Variants in TMEM108 observed in about 807,000 individuals in gnomAD.
TMEM108 encodes cancer/testis antigen 124.
TMEM108 carries 12 observed loss-of-function variants against 35.1 expected under a neutral mutation model. The observed-to-expected ratio is 0.34, with a 90% CI of 0.22 to 0.55. The LOEUF is 0.55. Among genes scored for constraint, TMEM108 ranks in the 20% least tolerant of loss-of-function variants. The pLI, the probability that TMEM108 is intolerant of heterozygous loss-of-function variation, is 0.89. For synonymous variants in TMEM108, 287 were observed against 308.6 expected (o/e 0.93, Z 0.73); for missense variants, 680 against 753.3 (o/e 0.90, Z 1.14).
At chr3:133,179,772 G>A (rs942921839) in intron 2 of TMEM108, among the ~76,000 whole-genome samples, 3 of 151,726 alleles carry the variant, frequency 2.0e-5, no homozygotes, top group Non-Finnish European at 4.4e-5. Flanking sequence ...AAACCTGCAT[G>A]TTGTGCACAT....
At chr3:133,139,385 T>A (rs965149902) in intron 2 of TMEM108, among the ~76,000 whole-genome samples, 1 of 152,214 alleles carries the variant, frequency 6.6e-6, no homozygotes, top group Non-Finnish European at 1.5e-5. Flanking sequence ...CTGTTGATTT[T>A]CTACTAACTT....
At chr3:133,292,459 A>G (rs1947084419) in intron 3 of TMEM108, among the ~76,000 whole-genome samples, 1 of 152,150 alleles carries the variant, frequency 6.6e-6, no homozygotes, top group Non-Finnish European at 1.5e-5. Flanking sequence ...TGATCCTACC[A>G]TTGTCTGCCT....
chr3:133,369,034 A>C (rs986207695), intron 3 of TMEM108, among the ~76,000 whole-genome samples: 2 of 152,166 alleles, frequency 1.3e-5, no homozygotes, highest in African/African-American at 4.8e-5. Flanking sequence ...TCCTTCTCAT[A>C]CAGCTGAGAA....
chr3:133,295,440 A>G (rs1947131230), intron 3 of TMEM108, among the ~76,000 whole-genome samples: 1 of 152,322 alleles, frequency 6.6e-6, no homozygotes, highest in Middle Eastern at 3.4e-3. Flanking sequence ...GGAGAGGCTG[A>G]TGACTCATAT....
intron 2 of TMEM108, among the ~76,000 whole-genome samples, chr3:133,177,512 A>G (rs1945253449): frequency 6.6e-6 from 1 of 152,260 alleles, no homozygotes; most frequent in Non-Finnish European, 1.5e-5. Flanking sequence ...CTGGTTCAAC[A>G]TACACAAATC....
intron 2 of TMEM108, among the ~76,000 whole-genome samples, chr3:133,170,025 A>G (rs1945106645): frequency 6.6e-6 from 1 of 152,206 alleles, no homozygotes; most frequent in Non-Finnish European, 1.5e-5. Flanking sequence ...TAACAGAGAG[A>G]TAAGGAGAGG....
At chr3:133,234,951 G>A (rs1339746122) in intron 3 of TMEM108, among the ~76,000 whole-genome samples, 7 of 151,994 alleles carry the variant, frequency 4.6e-5, no homozygotes, top group South Asian at 4.1e-4. Context: ...ATTCCTATAC[G>A]TCAATAACAG....
chr3:133,234,557 A>T (rs1196518224), intron 3 of TMEM108, among the ~76,000 whole-genome samples: 1 of 152,248 alleles, frequency 6.6e-6, no homozygotes, highest in Non-Finnish European at 1.5e-5. Context: ...ACAACGCTTC[A>T]TGCTAAAAAC....
At chr3:133,376,749 T>A (rs945464753) in intron 3 of TMEM108, among the ~76,000 whole-genome samples, 2 of 152,182 alleles carry the variant, frequency 1.3e-5, no homozygotes, top group Non-Finnish European at 2.9e-5. Flanking sequence ...GTTTCACTAA[T>A]CTCAGACCCC....
chr3:133,190,654 C>T (rs1027851073), intron 2 of TMEM108, among the ~76,000 whole-genome samples: 1 of 152,114 alleles, frequency 6.6e-6, no homozygotes, highest in African/African-American at 2.4e-5. Flanking sequence ...AATCACTTGC[C>T]TTCCTGTTTT....
intron 2 of TMEM108, among the ~76,000 whole-genome samples, chr3:133,130,205 T>C (rs572193096): frequency 1.3e-5 from 2 of 152,310 alleles, no homozygotes; most frequent in Non-Finnish European, 2.9e-5. Flanking sequence ...TTTGGGTAGA[T>C]GAAGGGATGA....
At chr3:133,394,986 T>C (rs1239020056) in intron 5 of TMEM108, among the ~76,000 whole-genome samples, 2 of 152,254 alleles carry the variant, frequency 1.3e-5, no homozygotes, top group East Asian at 1.9e-4. Context: ...GCTGTTTTAA[T>C]TGGAAGAAGC....
chr3:133,242,537 G>C (rs1325998290), intron 3 of TMEM108, among the ~76,000 whole-genome samples: 1 of 152,196 alleles, frequency 6.6e-6, no homozygotes, highest in Non-Finnish European at 1.5e-5. Flanking sequence ...AAGGGTGTGT[G>C]GGGACTGAGT....
At chr3:133,216,792 T>TTG (rs1359996732) in intron 2 of TMEM108, among the ~76,000 whole-genome samples, 1 of 152,132 alleles carries the variant, frequency 6.6e-6, no homozygotes, top group East Asian at 1.9e-4. Flanking sequence ...TGGTATTCCA[T>TTG]TGTGTGTATA....
intron 2 of TMEM108, among the ~76,000 whole-genome samples, chr3:133,065,303 C>T (rs574090555): frequency 1.3e-5 from 2 of 152,072 alleles, no homozygotes; most frequent in African/African-American, 4.8e-5. Flanking sequence ...CACACACACA[C>T]GCACATGCAC....
intron 3 of TMEM108, among the ~76,000 whole-genome samples, chr3:133,308,603 C>T (rs756773906): frequency 1.3e-5 from 2 of 152,164 alleles, no homozygotes; most frequent in East Asian, 1.9e-4. Flanking sequence ...GCCTTTTCTG[C>T]ACCTATTGAG....
chr3:133,370,764 G>A (rs72980039), intron 3 of TMEM108, among the ~76,000 whole-genome samples: 5 of 152,050 alleles, frequency 3.3e-5, no homozygotes, highest in Non-Finnish European at 4.4e-5. Flanking sequence ...ACCGCAAATT[G>A]TATTTCCTTC....
chr3:133,058,094 G>GAA lies in TMEM108; in HGVS notation c.-47+12082_-47+12083dup, dbSNP rs5852726. 3.4e-3 allele frequency among the ~76,000 whole-genome samples: 508 copies of GAA among 151,096 alleles called. 6 individuals carry two copies. The highest frequency in any genetic ancestry group is 0.012 in the African/African-American group (474 of 41,184). Reference sequence around the variant, plus strand: ...GGATTTTTTTTTAACTATTGATTTTGAAAAAAAAATTGTTTTTGTAATTAT... The same window carrying GAA: ...GGATTTTTTTTTAACTATTGATTTTGAAAAAAAAAAATTGTTTTTGTAATTAT... On this transcript the variant is annotated intron_variant, in intron 2 of 5. Coordinates refer to ENST00000321871, the MANE Select transcript of TMEM108 (RefSeq NM_023943.4).
chr3:133,301,861 C>G (rs1513366), intron 3 of TMEM108, among the ~76,000 whole-genome samples: 1 of 152,076 alleles, frequency 6.6e-6, no homozygotes, highest in African/African-American at 2.4e-5. Flanking sequence ...TTGCCATTTC[C>G]TGTCTTGATT....
Sources: gnomAD v4.1 joint callset for allele counts (sites outside exome capture counted in the v4.1 genomes callset) on GRCh38, gnomAD v4.1.1 for gene constraint, MANE v1.5 for transcripts, NCBI Gene and HGNC (gene_info 2026-07-23, HGNC 2026-07-21) for gene names.